The following PALLD variants were observed in gnomAD, a reference collection of about 807,000 sequenced individuals.
PALLD encodes the protein palladin, cytoskeletal associated protein.
In PALLD, 61 loss-of-function variants were observed where a neutral mutation model predicts 123.5. The observed-to-expected ratio is 0.49, with a 90% CI of 0.40 to 0.61. PALLD has a LOEUF of 0.61. Among genes scored for constraint, PALLD ranks in the 20% least tolerant of loss-of-function variants. The pLI is 0.00. For synonymous variants in PALLD, 465 were observed against 496.4 expected, an observed-to-expected ratio of 0.94 and a Z score of 0.84; for missense variants, 1,273 against 1,377.0, an observed-to-expected ratio of 0.92 and a Z score of 1.20.
At chr4:168,780,851 CTAATTTTTG>C (rs887033631) in intron 10 of PALLD, among the ~76,000 whole-genome samples, 82 of 152,100 alleles carry the variant, frequency 5.4e-4, no homozygotes, top group African/African-American at 1.9e-3. Context: ...CCACACCTGG[CTAATTTTTG>C]TAATTTTAGT....
chr4:168,841,515 C>CA (rs1349703826), intron 10 of PALLD, among the ~76,000 whole-genome samples: 3 of 152,220 alleles, frequency 2.0e-5, no homozygotes, highest in Non-Finnish European at 4.4e-5. Context: ...GTTTCTACAA[C>CA]TTGGCCAGCT....
chr4:168,687,088 T>C lies in PALLD; in HGVS notation c.1335+1529T>C, dbSNP rs1008103347. On this transcript the variant is annotated intron_variant, in intron 6 of 21. Coordinates refer to ENST00000505667, the MANE Select transcript of PALLD (RefSeq NM_001166108.2). ...TCACGACAAACAATTCCTAGTAAAC[T>C]AAAGACAAATGTGAAAGCAAATCTA... Among the ~76,000 whole-genome samples, 6 of 152,140 alleles carry C rather than the reference T, an allele frequency of 3.9e-5. No homozygotes were observed. The East Asian group carries it at 9.6e-4, about 24-fold the overall frequency.
At chr4:168,705,314 T>C (rs910304235) in intron 8 of PALLD, among the ~76,000 whole-genome samples, 11 of 152,224 alleles carry the variant, frequency 7.2e-5, no homozygotes, top group Non-Finnish European at 1.3e-4. Flanking sequence ...TATCTCCATA[T>C]CTGCAGCTAT....
chr4:168,889,541 C>T lies in PALLD; in HGVS notation c.1965-1381C>T, dbSNP rs145451427. On this transcript the variant is annotated intron_variant, in intron 10 of 21. Coordinates refer to ENST00000505667, the MANE Select transcript of PALLD (RefSeq NM_001166108.2). ...AATAAGGAAGTATATACAATTTATA[C>T]GTATACCTCAATAAAATGAAATTCT... Among the ~76,000 whole-genome samples, 465 of 152,214 alleles carry T rather than the reference C, an allele frequency of 3.1e-3. 3 individuals carry two copies. The highest frequency in any genetic ancestry group is 0.01 in the African/African-American group (434 of 41,538).
chr4:168,781,417 T>A (rs1295985971), intron 10 of PALLD, among the ~76,000 whole-genome samples: 1 of 152,214 alleles, frequency 6.6e-6, no homozygotes, highest in Non-Finnish European at 1.5e-5. Flanking sequence ...CCTTGAGCAC[T>A]GGCACATAGA....
chr4:168,925,148 C>T lies in PALLD; in HGVS notation c.3358+70C>T, dbSNP rs925011156. 6.3e-6 allele frequency: 10 copies of T among 1,584,916 alleles called. No homozygotes were observed. The African/African-American group carries it at 1.1e-4, about 17-fold the overall frequency. On this transcript the variant is annotated intron_variant, in intron 20 of 21. Coordinates refer to ENST00000505667, the MANE Select transcript of PALLD (RefSeq NM_001166108.2). Reference sequence around the variant, plus strand: ...TATGAAAAATTAGACATCTGGACAGCAAATCACATTACTCTTTATAAACAA... The same window carrying T: ...TATGAAAAATTAGACATCTGGACAGTAAATCACATTACTCTTTATAAACAA...
intron 2 of PALLD, among the ~76,000 whole-genome samples, chr4:168,557,785 T>C (rs543428339): frequency 4.7e-4 from 71 of 152,270 alleles, no homozygotes; most frequent in African/African-American, 1.6e-3. Flanking sequence ...TATGAGATTT[T>C]CTCCCCTACC....
intron 3 of PALLD, among the ~76,000 whole-genome samples, chr4:168,676,781 G>A (rs918051428): frequency 1.2e-4 from 18 of 150,564 alleles, no homozygotes; most frequent in Non-Finnish European, 2.2e-4. Context: ...GGGTTTCACC[G>A]TGTTAGCCAG....
At chr4:168,567,430 A>G (rs1039823825) in intron 2 of PALLD, among the ~76,000 whole-genome samples, 1 of 151,984 alleles carries the variant, frequency 6.6e-6, no homozygotes, top group African/African-American at 2.4e-5. Flanking sequence ...GCTCAACATT[A>G]CTAATCATCA....
chr4:168,667,352 C>T (rs1034914206), intron 2 of PALLD, among the ~76,000 whole-genome samples: 1 of 111,596 alleles, frequency 9.0e-6, no homozygotes, highest in Non-Finnish European at 2.0e-5. Flanking sequence ...CAGATTTCTA[C>T]ATATTTCTTT....
At chr4:168,696,085 T>G (rs1200891088) in intron 8 of PALLD, among the ~76,000 whole-genome samples, 1 of 152,150 alleles carries the variant, frequency 6.6e-6, no homozygotes, top group African/African-American at 2.4e-5. Context: ...TGAATTTATG[T>G]TGGGCCACAT....
intron 10 of PALLD, among the ~76,000 whole-genome samples, chr4:168,717,621 G>T (rs1785489160): frequency 6.6e-6 from 1 of 152,182 alleles, no homozygotes; most frequent in Non-Finnish European, 1.5e-5. Context: ...AAAGTGCTGG[G>T]ATATCAGGTG....
intron 10 of PALLD, among the ~76,000 whole-genome samples, chr4:168,780,243 G>A (rs1735728415): frequency 6.6e-6 from 1 of 152,146 alleles, no homozygotes; most frequent in Admixed American, 6.5e-5. Context: ...CACTCTCTGT[G>A]CCAAAATCCT....
intron 2 of PALLD, among the ~76,000 whole-genome samples, chr4:168,560,260 T>A (rs1280319494): frequency 6.6e-6 from 1 of 152,162 alleles, no homozygotes; most frequent in East Asian, 1.9e-4. Context: ...AAGAAAACTG[T>A]CTCATTCTGC....
chr4:168,827,150 C>T (rs1352222774), intron 10 of PALLD, among the ~76,000 whole-genome samples: 2 of 152,158 alleles, frequency 1.3e-5, no homozygotes, highest in African/African-American at 4.8e-5. Context: ...TTTCTTTTTT[C>T]CCGATCCATT....
chr4:168,898,874 G>A (rs1014621878), intron 14 of PALLD, among the ~76,000 whole-genome samples, 160 bp downstream of exon 14: 3 of 152,156 alleles, frequency 2.0e-5, no homozygotes, highest in African/African-American at 4.8e-5. Flanking sequence ...CCATCTTCAG[G>A]AGGCATTAGA....
At chr4:168,614,414 G>GT (rs11376969) in intron 2 of PALLD, among the ~76,000 whole-genome samples, 4,924 of 152,126 alleles carry the variant, frequency 0.032, 243 homozygotes, top group African/African-American at 0.11. Context: ...CCTAGTCAAT[G>GT]TTTTTTTGCC....
chr4:168,847,905 A>G lies in PALLD; in HGVS notation c.1965-43017A>G, dbSNP rs113170398. 7.9e-3 allele frequency among the ~76,000 whole-genome samples: 1,210 copies of G among 152,296 alleles called. 12 individuals carry two copies. The highest frequency in any genetic ancestry group is 0.027 in the African/African-American group (1,110 of 41,556). On this transcript the variant is annotated intron_variant, in intron 10 of 21. Transcript: ENST00000505667. The stretch of plus-strand genomic sequence containing the variant: ...AAAAAAAAGGAAGAAACTAAGTCCC[A>G]GGCATATTAAGAGAGAGCTAATTAG...
chr4:168,818,336 G>A (rs915356098), intron 10 of PALLD, among the ~76,000 whole-genome samples: 2 of 152,054 alleles, frequency 1.3e-5, no homozygotes, highest in Non-Finnish European at 2.9e-5. Context: ...GCTGGCTCAC[G>A]CCTGTAATCC....
Sources: allele counts gnomAD v4.1 joint callset (sites outside exome capture counted in the v4.1 genomes callset), GRCh38; gene constraint gnomAD v4.1.1; transcripts MANE v1.5; gene names NCBI Gene and HGNC (gene_info 2026-07-23, HGNC 2026-07-21).